PTPN5: variants seen among roughly 807,000 people sequenced by gnomAD.
PTPN5 encodes the protein tyrosine-protein phosphatase non-receptor type 5.
PTPN5 carries 29 observed loss-of-function variants against 73.9 expected under a neutral mutation model. The observed-to-expected ratio is 0.39, with a 90% CI of 0.29 to 0.54. The LOEUF is 0.54. PTPN5 is among the 20% of genes least tolerant of loss of function. PTPN5 has a pLI of 0.65. For synonymous variants in PTPN5, 267 were observed against 304.7 expected (o/e 0.88, Z 1.29); for missense variants, 652 against 751.4 (o/e 0.87, Z 1.55).
upstream of PTPN5, chr11:18,791,878 C>G (rs1405028798): frequency 6.6e-6 from 1 of 152,152 alleles, no homozygotes; most frequent in Admixed American, 6.5e-5. Context: ...CGCCGCTCGC[C>G]GGGAATTGCG....
At chr11:18,746,818 G>C (rs550367276) in intron 3 of PTPN5, among the ~76,000 whole-genome samples, 1 of 152,302 alleles carries the variant, frequency 6.6e-6, no homozygotes, top group African/African-American at 2.4e-5. Context: ...GCTAAAAGAA[G>C]GATCACGTGG....
At chr11:18,760,900 G>A (rs1850356294) in intron 3 of PTPN5, among the ~76,000 whole-genome samples, 1 of 152,268 alleles carries the variant, frequency 6.6e-6, no homozygotes, top group Non-Finnish European at 1.5e-5. Context: ...TAGGACTTCA[G>A]GATTTCCTGC....
At chr11:18,746,429 T>C (rs1849645270) in intron 3 of PTPN5, among the ~76,000 whole-genome samples, 2 of 151,904 alleles carry the variant, frequency 1.3e-5, no homozygotes, top group South Asian at 4.2e-4. Flanking sequence ...TGACCTCAAG[T>C]GATCCACCCA....
rs58611404 is a variant in PTPN5, at chr11:18,781,323, CT to C, written c.-113-9253del. ...AGATCAGACTGTCTTTTTTTGACCACTTTTTTTTTTTTTTGAGATGGAGTCT... is the reference window on the plus strand; with the variant it reads ...AGATCAGACTGTCTTTTTTTGACCACTTTTTTTTTTTTTGAGATGGAGTCT... On this transcript the variant is annotated intron_variant, in intron 1 of 14. Transcript: ENST00000358540. Among the ~76,000 whole-genome samples, 278 of 114,396 alleles carry C rather than the reference CT, an allele frequency of 2.4e-3. 8 individuals are homozygous for C. The highest frequency in any genetic ancestry group is 0.019 in the Admixed American group (169 of 9,008). The allele number at this position is 114,396 out of a possible 152,430, so 75.0% of individuals were successfully genotyped here.
At chr11:18,788,178 C>A (rs1851754884) in intron 1 of PTPN5, among the ~76,000 whole-genome samples, 1 of 152,176 alleles carries the variant, frequency 6.6e-6, no homozygotes, top group African/African-American at 2.4e-5. Context: ...TCTAACCATT[C>A]TTACAACCAC....
At chr11:18,753,174 C>T (rs1353973689) in intron 3 of PTPN5, among the ~76,000 whole-genome samples, 3 of 152,200 alleles carry the variant, frequency 2.0e-5, no homozygotes, top group Non-Finnish European at 4.4e-5. Flanking sequence ...CTCTTCAGCC[C>T]AAGGTCCCCC....
intron 3 of PTPN5, among the ~76,000 whole-genome samples, chr11:18,746,162 AATATATATATATATATATATAT>A (rs773490900): frequency 1.0e-4 from 7 of 67,638 alleles, no homozygotes; most frequent in Admixed American, 2.5e-4. Flanking sequence ...TATAAATATA[AATATATATATATATATATATAT>A]ATATATATAC....
chr11:18,770,342 C>T (rs1216334151), intron 2 of PTPN5, among the ~76,000 whole-genome samples: 1 of 152,348 alleles, frequency 6.6e-6, no homozygotes, highest in Non-Finnish European at 1.5e-5. Context: ...TATTTGCTTT[C>T]TGTCTCTATG....
At position 18,733,802 on chromosome 11, in the gene PTPN5, G is replaced by A. The variant is rs1018474395; in HGVS notation, c.1001-167C>T. Among the ~76,000 whole-genome samples the A allele has an allele frequency of 6.6e-6, 1 of 152,222 alleles. No individual in the cohort carries two copies. Among genetic ancestry groups the A allele is most frequent in the Non-Finnish European group, 1.5e-5 (1 of 68,042 alleles). The stretch of plus-strand genomic sequence containing the variant: ...CCCATTCATGGTTCATTTTGTAGGT[G>A]AGGACTCAGGATGAGGAGGAGGGTG... On this transcript the variant is annotated intron_variant, in intron 9 of 14. Transcript: ENST00000358540. This position sits in a 1 kb window ranked among gnomAD's most constrained non-coding sequence, Gnocchi z 4.3.
At chr11:18,760,759 T>TGTGCCCC (rs1379703300) in intron 3 of PTPN5, among the ~76,000 whole-genome samples, 6 of 152,224 alleles carry the variant, frequency 3.9e-5, no homozygotes, top group African/African-American at 1.4e-4. Flanking sequence ...ACCTGGGCCC[T>TGTGCCCC]GTGCCCCGTC....
intron 9 of PTPN5, among the ~76,000 whole-genome samples, chr11:18,737,278 C>T (rs918502273): frequency 1.2e-4 from 19 of 152,178 alleles, no homozygotes; most frequent in African/African-American, 4.3e-4. Flanking sequence ...GAGGAAAACC[C>T]CTTTCAGACC....
At chr11:18,756,746 C>A (rs145070290) in intron 3 of PTPN5, among the ~76,000 whole-genome samples, 8,663 of 151,764 alleles carry the variant, frequency 0.057, 332 homozygotes, top group East Asian at 0.17. Flanking sequence ...CACGGTGAAA[C>A]CCCGTCTCTA....
rs550746073 is a variant in PTPN5 at position 18,776,372 on chromosome 11, T to C, written c.-113-4301A>G. On this transcript the variant is annotated intron_variant, in intron 1 of 14. Coordinates refer to ENST00000358540, the MANE Select transcript of PTPN5 (RefSeq NM_006906.2). The stretch of plus-strand genomic sequence containing the variant: ...AAATGTCACCTCCTCAATAGAACCC[T>C]CCCCAACTCCCTTAGGAAGAACTGG... 1.8e-3 allele frequency among the ~76,000 whole-genome samples: 278 copies of C among 152,116 alleles called. 2 individuals are homozygous for C. The highest frequency in any genetic ancestry group is 5.9e-3 in the African/African-American group (245 of 41,486).
At chr11:18,752,788 C>G (rs1293426480) in intron 3 of PTPN5, among the ~76,000 whole-genome samples, 2 of 152,220 alleles carry the variant, frequency 1.3e-5, no homozygotes, top group African/African-American at 4.8e-5. Context: ...ACTAAAAGAG[C>G]TGACAGCAGA....
chr11:18,780,284 G>A (rs1590617100), intron 1 of PTPN5, among the ~76,000 whole-genome samples: 1 of 152,122 alleles, frequency 6.6e-6, no homozygotes, highest in Non-Finnish European at 1.5e-5. Flanking sequence ...CAGAGCCCTA[G>A]GAAAGGGCGG....
intron 1 of PTPN5, among the ~76,000 whole-genome samples, chr11:18,781,964 A>G (rs1018964617): frequency 1.6e-4 from 25 of 152,204 alleles, no homozygotes; most frequent in African/African-American, 6.0e-4. Context: ...ACTGCAGGGC[A>G]AAGGCCCGGA....
At chr11:18,765,632 G>A (rs1850609227) in intron 3 of PTPN5, among the ~76,000 whole-genome samples, 175 bp downstream of exon 3, 1 of 152,222 alleles carries the variant, frequency 6.6e-6, no homozygotes, top group South Asian at 2.1e-4. Flanking sequence ...CAGGTCAGAA[G>A]GCATCAGGGA....
chr11:18,745,394 C>T (rs1324324556), intron 3 of PTPN5, among the ~76,000 whole-genome samples: 1 of 152,198 alleles, frequency 6.6e-6, no homozygotes, highest in African/African-American at 2.4e-5. Context: ...GAACCCGGTC[C>T]TGGAGCTGTG....
At chr11:18,790,557 T>C (rs1467554826) in intron 1 of PTPN5, among the ~76,000 whole-genome samples, 2 of 152,138 alleles carry the variant, frequency 1.3e-5, no homozygotes, top group African/African-American at 2.4e-5. Context: ...ATGAGAGCTC[T>C]CCTTTGAGGT....
Sources: allele counts gnomAD v4.1 joint callset (sites outside exome capture counted in the v4.1 genomes callset), GRCh38; gene constraint gnomAD v4.1.1; non-coding constraint Gnocchi (gnomAD v3.1); transcripts MANE v1.5; gene names NCBI Gene and HGNC (gene_info 2026-07-23, HGNC 2026-07-21).